Variants in CSMD1 observed in about 807,000 individuals in gnomAD.
CSMD1 encodes the protein CUB and sushi domain-containing protein 1.
Under a neutral mutation model 417.5 loss-of-function variants are expected in CSMD1, and 213 were observed. The ratio of observed to expected loss-of-function variants is 0.51; its 90% CI spans 0.46 to 0.57. The LOEUF is 0.57. Ranked by LOEUF, CSMD1 falls within the 20% of genes least tolerant of loss-of-function variation. The pLI, the probability that CSMD1 is intolerant of heterozygous loss-of-function variation, is 0.00. For missense variants in CSMD1, 6,923 were observed against 4,529.7 expected (o/e 1.53, Z -15.17); for synonymous variants, 2,862 against 1,736.8 (o/e 1.65, Z -16.11).
Position 3,508,796 on chromosome 8 carries a change from C to G in CSMD1, c.1345-15070G>C, listed in dbSNP as rs79539780. 0.019 allele frequency among the ~76,000 whole-genome samples: 2,923 copies of G among 152,254 alleles called. 169 individuals are homozygous for G. The East Asian group carries it at 0.22, about 11-fold the overall frequency. On this transcript the variant is annotated intron_variant, in intron 10 of 69. Coordinates refer to ENST00000635120, the MANE Select transcript of CSMD1 (RefSeq NM_033225.6). ...AGAACGCCTCCGTAATGCTCCACCA[C>G]CTACGCTTTTCCCATTATGGAAAGA...
intron 1 of CSMD1, among the ~76,000 whole-genome samples, chr8:4,661,528 G>C (rs1026953322): frequency 1.1e-4 from 17 of 152,098 alleles, no homozygotes; most frequent in Admixed American, 9.8e-4. Flanking sequence ...CATGAGAATA[G>C]GATCTTTGTA....
intron 3 of CSMD1, among the ~76,000 whole-genome samples, chr8:4,116,395 A>G (rs1202084867): frequency 1.3e-5 from 2 of 151,854 alleles, no homozygotes; most frequent in Non-Finnish European, 2.9e-5. Flanking sequence ...ATACCACACC[A>G]TGAATGAACC....
chr8:3,854,393 T>C (rs2129101952), intron 5 of CSMD1, among the ~76,000 whole-genome samples: 1 of 152,208 alleles, frequency 6.6e-6, no homozygotes, highest in East Asian at 1.9e-4. Context: ...AATTAAAGTA[T>C]CATATTTTCA....
chr8:3,028,977 G>T (rs566903612), intron 51 of CSMD1, among the ~76,000 whole-genome samples: 3 of 152,230 alleles, frequency 2.0e-5, no homozygotes, highest in African/African-American at 7.2e-5. Flanking sequence ...TATTTCCCAA[G>T]ATCCCAATTA....
intron 2 of CSMD1, among the ~76,000 whole-genome samples, chr8:4,466,964 A>G (rs147909824): frequency 6.6e-6 from 1 of 152,094 alleles, no homozygotes; most frequent in Non-Finnish European, 1.5e-5. Flanking sequence ...TCCTTCCCTT[A>G]GCTGTAAGGA....
rs1350702294 is a variant in CSMD1, at chr8:4,549,911, A to G, written c.302+87431T>C. On this transcript the variant is annotated intron_variant, in intron 2 of 69. Transcript: ENST00000635120. ...GACTTTGTCTCAAAAAAAAAAAAAA[A>G]AAAAAAAAAGAAAAGAAAAGACATT... Among the ~76,000 whole-genome samples, 180 of 150,988 alleles carry G rather than the reference A, an allele frequency of 1.2e-3. 1 individual carries two copies. The highest frequency in any genetic ancestry group is 3.9e-3 in the African/African-American group (160 of 41,132).
At chr8:4,401,430 C>T (rs1484537806) in intron 3 of CSMD1, among the ~76,000 whole-genome samples, 1 of 152,086 alleles carries the variant, frequency 6.6e-6, no homozygotes. Flanking sequence ...ATTATTTGGA[C>T]ATGTTTTAAA....
intron 10 of CSMD1, among the ~76,000 whole-genome samples, chr8:3,566,331 T>C (rs1265648691): frequency 6.6e-6 from 1 of 152,146 alleles, no homozygotes; most frequent in Non-Finnish European, 1.5e-5. Context: ...TTTAAATCGA[T>C]TACATATTCC....
chr8:3,261,328 A>C (rs751476107), intron 26 of CSMD1, among the ~76,000 whole-genome samples: 1 of 152,312 alleles, frequency 6.6e-6, no homozygotes, highest in African/African-American at 2.4e-5. Context: ...AAAACATTCA[A>C]TTCTGCAATT....
At chr8:3,641,391 G>T (rs1196829079) in intron 7 of CSMD1, among the ~76,000 whole-genome samples, 2 of 152,112 alleles carry the variant, frequency 1.3e-5, no homozygotes, top group East Asian at 3.9e-4. Flanking sequence ...AGACTGAGCA[G>T]ATCTTAGAAG....
chr8:4,416,449 T>C (rs1192381447), intron 3 of CSMD1, among the ~76,000 whole-genome samples: 1 of 152,092 alleles, frequency 6.6e-6, no homozygotes, highest in Non-Finnish European at 1.5e-5. Flanking sequence ...CATTTGAAAT[T>C]ATATTCATAA....
At chr8:4,250,699 T>TC (rs1803007245) in intron 3 of CSMD1, among the ~76,000 whole-genome samples, 1 of 152,214 alleles carries the variant, frequency 6.6e-6, no homozygotes, top group African/African-American at 2.4e-5. Context: ...TATTGCCTTT[T>TC]CAGAAGTCCC....
At chr8:4,232,617 G>A (rs1184528799) in intron 3 of CSMD1, among the ~76,000 whole-genome samples, 2 of 152,144 alleles carry the variant, frequency 1.3e-5, no homozygotes, top group Non-Finnish European at 2.9e-5. Context: ...ATGTCTTGCT[G>A]CAAATTAGAT....
chr8:4,130,348 G>C (rs1283163468), intron 3 of CSMD1, among the ~76,000 whole-genome samples: 1 of 152,086 alleles, frequency 6.6e-6, no homozygotes, highest in Non-Finnish European at 1.5e-5. Context: ...AAGACCCCCA[G>C]TAATGGAAGT....
At chr8:4,644,949 C>G (rs745675696) in intron 1 of CSMD1, among the ~76,000 whole-genome samples, 28 of 152,204 alleles carry the variant, frequency 1.8e-4, no homozygotes, top group Non-Finnish European at 3.7e-4. Flanking sequence ...CAAATTAAAT[C>G]TCTGTGCACA....
At position 3,047,242 on chromosome 8, in the gene CSMD1, T is replaced by C. The variant is rs1164388426; in HGVS notation, c.7660+5220A>G. On this transcript the variant is annotated intron_variant, in intron 50 of 69. Coordinates refer to ENST00000635120, the MANE Select transcript of CSMD1 (RefSeq NM_033225.6). ...AAAAAAAAAAAAAAAAAAAAAAGAG[T>C]TGCTCTGATTTTCCTCCTATTTTGC... Among the ~76,000 whole-genome samples the C allele has an allele frequency of 2.8e-5, 4 of 144,166 alleles. No homozygotes were observed. The Admixed American group carries it at 2.8e-4, about 10-fold the overall frequency. 94.6% of individuals were successfully genotyped at this position (144,166 alleles called of 152,430 possible). A position where few individuals can be genotyped will look rare whatever the true frequency, so the allele number is the denominator to read the frequency against.
intron 12 of CSMD1, among the ~76,000 whole-genome samples, chr8:3,462,041 G>T (rs1184518425): frequency 6.6e-6 from 1 of 152,156 alleles, no homozygotes; most frequent in Non-Finnish European, 1.5e-5. Context: ...GCTGTTTCCA[G>T]ATGGAGAATA....
intron 3 of CSMD1, among the ~76,000 whole-genome samples, chr8:4,370,408 A>G (rs1006682795): frequency 6.6e-5 from 10 of 152,116 alleles, no homozygotes; most frequent in African/African-American, 2.4e-4. Flanking sequence ...AAATCTGATG[A>G]TATTGTCTTG....
At chr8:4,273,898 T>C (rs1199656141) in intron 3 of CSMD1, among the ~76,000 whole-genome samples, 4 of 152,210 alleles carry the variant, frequency 2.6e-5, no homozygotes, top group African/African-American at 4.8e-5. Context: ...TCAGTAAGTG[T>C]TGACTCTCAC....
Sources: gnomAD v4.1 joint callset for allele counts (sites outside exome capture counted in the v4.1 genomes callset) on GRCh38, gnomAD v4.1.1 for gene constraint, MANE v1.5 for transcripts, NCBI Gene and HGNC (gene_info 2026-07-23, HGNC 2026-07-21) for gene names.